Variants in SPMIP4 observed in about 807,000 individuals in gnomAD.
SPMIP4 encodes the protein sperm microtubule inner protein 4, also known as sperm-associated microtubule inner protein 4.
At chr7:25,161,618 A>G in the SPMIP4 span, among the ~76,000 whole-genome samples, 1 of 116,466 alleles carries the variant, frequency 8.6e-6, no homozygotes, top group African/African-American at 2.9e-5. Context: ...TTTTATTTAT[A>G]GATTTTTTTT....
the SPMIP4 span, among the ~76,000 whole-genome samples, chr7:25,144,948 A>G: frequency 1.5e-5 from 2 of 135,166 alleles, no homozygotes; most frequent in African/African-American, 5.6e-5. Flanking sequence ...TTACTTGGAA[A>G]TAAGAAGGAC....
the SPMIP4 span, chr7:25,134,916 G>C: frequency 1.0e-6 from 1 of 985,302 alleles, no homozygotes; most frequent in Non-Finnish European, 1.2e-6. Flanking sequence ...TTTACTTCCT[G>C]TCATAATGTA....
At chr7:25,155,109 G>A in the SPMIP4 span, 1 of 1,613,850 alleles carries the variant, frequency 6.2e-7, no homozygotes, top group South Asian at 1.1e-5. Context: ...GAGGTCCTCA[G>A]GTGACGTGAA....
the SPMIP4 span, among the ~76,000 whole-genome samples, chr7:25,131,972 A>G: frequency 1.3e-5 from 2 of 152,164 alleles, no homozygotes; most frequent in Non-Finnish European, 2.9e-5. This position sits in a 1 kb window ranked among gnomAD's most constrained non-coding sequence, Gnocchi z 4.2. Context: ...GCAGTGGTGG[A>G]CGGCAAGTGA....
chr7:25,142,946 T>C, the SPMIP4 span: 1 of 557,884 alleles, frequency 1.8e-6, no homozygotes, highest in Non-Finnish European at 3.0e-6. Flanking sequence ...TTGTCATTAA[T>C]TACTAGTTAA....
At chr7:25,146,146 CAG>C in the SPMIP4 span, among the ~76,000 whole-genome samples, 64 of 148,950 alleles carry the variant, frequency 4.3e-4, no homozygotes, top group Non-Finnish European at 4.9e-4. Flanking sequence ...GGAATGAAGA[CAG>C]AGAGAGAGAG....
the SPMIP4 span, among the ~76,000 whole-genome samples, chr7:25,147,790 A>G: frequency 6.6e-6 from 1 of 152,184 alleles, no homozygotes; most frequent in Non-Finnish European, 1.5e-5. Flanking sequence ...ACGATGTACC[A>G]ATATTGTGCT....
At chr7:25,133,781 G>C in the SPMIP4 span, among the ~76,000 whole-genome samples, 3 of 152,056 alleles carry the variant, frequency 2.0e-5, no homozygotes, top group African/African-American at 7.2e-5. Flanking sequence ...GGAGGAGGGA[G>C]GAAATTGCAA....
chr7:25,155,717 T>G, the SPMIP4 span, among the ~76,000 whole-genome samples: 1 of 152,114 alleles, frequency 6.6e-6, no homozygotes, highest in Admixed American at 6.6e-5. Flanking sequence ...TACACAGTAC[T>G]GCTTCAAAAT....
At chr7:25,154,814 C>T in the SPMIP4 span, among the ~76,000 whole-genome samples, 1 of 152,152 alleles carries the variant, frequency 6.6e-6, no homozygotes, top group Non-Finnish European at 1.5e-5. Context: ...TTTGGGAGCA[C>T]CTGCAGAGAG....
At chr7:25,140,762 A>G in the SPMIP4 span, among the ~76,000 whole-genome samples, 1 of 141,732 alleles carries the variant, frequency 7.1e-6, no homozygotes, top group East Asian at 2.1e-4. Flanking sequence ...TAATTTTTGT[A>G]TTTTTAGTAG....
At chr7:25,128,475 A>G in the SPMIP4 span, among the ~76,000 whole-genome samples, 1 of 152,170 alleles carries the variant, frequency 6.6e-6, no homozygotes. The surrounding 1 kb of genome is among the most constrained non-coding windows in gnomAD (Gnocchi z 4.5). Flanking sequence ...CCCCATGACC[A>G]CCATTGCACT....
the SPMIP4 span, among the ~76,000 whole-genome samples, chr7:25,144,731 G>T: frequency 1.3e-5 from 2 of 152,148 alleles, no homozygotes; most frequent in African/African-American, 4.8e-5. Flanking sequence ...TCTAAAGTGT[G>T]GGGCCTTCTA....
At chr7:25,175,821 CAG>C in the SPMIP4 span, among the ~76,000 whole-genome samples, 1 of 152,170 alleles carries the variant, frequency 6.6e-6, no homozygotes. Flanking sequence ...AATGATAGAA[CAG>C]AGTTACCACC....
chr7:25,140,037 T>C, the SPMIP4 span, among the ~76,000 whole-genome samples: 2 of 152,208 alleles, frequency 1.3e-5, no homozygotes, highest in Non-Finnish European at 2.9e-5. Context: ...CTGTATATAA[T>C]GGAATATGTA....
chr7:25,129,946 G>A, the SPMIP4 span, among the ~76,000 whole-genome samples: 1 of 151,902 alleles, frequency 6.6e-6, no homozygotes, highest in Non-Finnish European at 1.5e-5. Flanking sequence ...GTTTTTCAAG[G>A]ATAGTTGGTG....
the SPMIP4 span, among the ~76,000 whole-genome samples, chr7:25,173,625 T>C: frequency 6.6e-6 from 1 of 152,134 alleles, no homozygotes; most frequent in African/African-American, 2.4e-5. The surrounding 1 kb of genome is among the most constrained non-coding windows in gnomAD (Gnocchi z 4.4). Context: ...ACGTCCTCCC[T>C]AGCTGTCTGA....
the SPMIP4 span, among the ~76,000 whole-genome samples, chr7:25,134,117 G>A: frequency 4.0e-5 from 6 of 151,688 alleles, no homozygotes; most frequent in Admixed American, 6.6e-5. Flanking sequence ...AAACTTAGCC[G>A]GGCGTGGTGG....
At chr7:25,145,837 G>A in the SPMIP4 span, among the ~76,000 whole-genome samples, 1 of 152,100 alleles carries the variant, frequency 6.6e-6, no homozygotes, top group Non-Finnish European at 1.5e-5. Context: ...GGTTCTGAGA[G>A]TTCTGTGCTA....
Sources: gnomAD v4.1 joint callset for allele counts (sites outside exome capture counted in the v4.1 genomes callset) on GRCh38, gnomAD v4.1.1 for gene constraint, Gnocchi (gnomAD v3.1) non-coding constraint, MANE v1.5 for transcripts, NCBI Gene and HGNC (gene_info 2026-07-23, HGNC 2026-07-21) for gene names.